DOP1B: variants seen among roughly 807,000 people sequenced by gnomAD.
DOP1B encodes DOP1 leucine zipper like protein B.
DOP1B carries 174 observed loss-of-function variants against 233.5 expected under a neutral mutation model. That is an observed-to-expected ratio of 0.75 (90% CI 0.66 to 0.85). The LOEUF (loss-of-function observed/expected upper bound fraction) is 0.85. DOP1B is among the 40% of genes least tolerant of loss of function. The pLI is 0.00. For missense variants in DOP1B, 2,652 were observed against 2,846.6 expected, an observed-to-expected ratio of 0.93 and a Z score of 1.56; for synonymous variants, 1,190 against 1,185.6, an observed-to-expected ratio of 1.00 and a Z score of -0.08.
At chr21:36,269,316 C>T (rs2067261580) in intron 26 of DOP1B, among the ~76,000 whole-genome samples, 1 of 151,756 alleles carries the variant, frequency 6.6e-6, no homozygotes. Context: ...CCACCACACC[C>T]ACCTAATTTT....
chr21:36,211,315 T>A (rs916071396), intron 5 of DOP1B, among the ~76,000 whole-genome samples: 2 of 152,208 alleles, frequency 1.3e-5, no homozygotes, highest in Admixed American at 6.5e-5. Context: ...CCCGGCCATC[T>A]GGTCCAAACC....
chr21:36,258,007 G>A (rs1286159424), intron 23 of DOP1B, among the ~76,000 whole-genome samples: 3 of 144,830 alleles, frequency 2.1e-5, no homozygotes, highest in Non-Finnish European at 4.5e-5. Flanking sequence ...AGGTAGGTAG[G>A]TAGATAGGTA....
chr21:36,188,924 C>CT (rs1010366417), intron 2 of DOP1B, among the ~76,000 whole-genome samples: 13 of 152,232 alleles, frequency 8.5e-5, no homozygotes, highest in African/African-American at 3.1e-4. Flanking sequence ...TAAATTACTC[C>CT]TTTTTTAAAG....
chr21:36,206,370 A>C (rs2066425283), intron 4 of DOP1B, among the ~76,000 whole-genome samples: 1 of 152,040 alleles, frequency 6.6e-6, no homozygotes, highest in Non-Finnish European at 1.5e-5. Flanking sequence ...GTCTACATAT[A>C]AAATGCAAAA....
intron 2 of DOP1B, among the ~76,000 whole-genome samples, chr21:36,194,036 A>T (rs537524910): frequency 1.6e-4 from 25 of 152,308 alleles, no homozygotes; most frequent in African/African-American, 5.3e-4. Context: ...CCAGAAAGGT[A>T]ATTTGCCCGA....
rs145622668 is a variant in DOP1B, at chr21:36,162,249, C to T, written c.-26-2459C>T. Reference sequence around the variant, plus strand: ...TCATTCTGTTGCCCAGACTGGAGTGCAGTGGCATGATCATGGCTCACTGCA... The same window carrying T: ...TCATTCTGTTGCCCAGACTGGAGTGTAGTGGCATGATCATGGCTCACTGCA... On this transcript the variant is annotated intron_variant, in intron 1 of 36. Transcript: ENST00000691173. Among the ~76,000 whole-genome samples the T allele has an allele frequency of 3.4e-3, 525 of 152,288 alleles. 3 individuals are homozygous for T. Among genetic ancestry groups the T allele is most frequent in the African/African-American group, 0.012 (512 of 41,566 alleles).
chr21:36,282,084 T>C (rs1363937384), intron 32 of DOP1B, among the ~76,000 whole-genome samples: 1 of 152,182 alleles, frequency 6.6e-6, no homozygotes, highest in African/African-American at 2.4e-5. Flanking sequence ...TGCAGAGTTA[T>C]AGAACTTCAG....
Position 36,260,707 on chromosome 21 carries a change from C to A in DOP1B, c.5290C>A (p.Gln1764Lys). Reference sequence around the variant, plus strand: ...GCCCCTAGTGGACATTCCTGTGTTGCAGTTTTGCTATGCTTTTCTCCAAAG... The same window carrying A: ...GCCCCTAGTGGACATTCCTGTGTTGAAGTTTTGCTATGCTTTTCTCCAAAG... The part of the protein sequence containing the change: ...KSPLVDIPVL[Q>K]FCYAFLQRLP... Residue 1764 changes from glutamine to lysine, a missense_variant, in exon 24 of 37, where the codon CAG becomes AAG. By Grantham distance (53) the Gln-to-Lys change is moderately conservative. This residue lies in a region of DOP1B where 2,617 missense variants were observed against 2,794.3 expected (regional missense o/e 0.94). Transcript: ENST00000691173. 6.2e-7 allele frequency: 1 copy of A among 1,614,080 alleles called. No homozygotes were observed. The highest frequency in any genetic ancestry group is 8.5e-7 in the Non-Finnish European group (1 of 1,180,002).
At position 36,177,297 on chromosome 21, in the gene DOP1B, TCA is replaced by T. The variant is rs547865263; in HGVS notation, c.138+12430_138+12431del. ...TCACAGCAGCCTCAGTGAGGGCCAC[TCA>T]CACTGTAAGATCGAGATGGTCTTTT... On this transcript the variant is annotated intron_variant, in intron 2 of 36. Transcript: ENST00000691173. 1.1e-4 allele frequency among the ~76,000 whole-genome samples: 17 copies of T among 152,354 alleles called. No individual in the cohort carries two copies. In the South Asian group the frequency reaches 3.5e-3, roughly 32 times the overall value.
At chr21:36,220,903 TG>T (rs1405802912) in intron 10 of DOP1B, among the ~76,000 whole-genome samples, 1 of 152,100 alleles carries the variant, frequency 6.6e-6, no homozygotes, top group East Asian at 1.9e-4. Flanking sequence ...CTTGAACTCC[TG>T]GGATCAAGTG....
Position 36,270,054 on chromosome 21 carries a change from C to T in DOP1B, c.5529C>T (p.Ala1843=), listed in dbSNP as rs756561079. The T allele has an allele frequency of 5.3e-5, 86 of 1,613,922 alleles. 1 individual carries two copies. In the East Asian group the frequency reaches 1.7e-3, roughly 32 times the overall value. ...TCCTAGAAGCTGTGGGGAACATTGC[C>T]GGCTCTTCCTTGGAGCAAACCAGCT... ...QKILEAVGNI[A]GSSLEQTSWL... is the part of the protein sequence containing the mutation. Residue 1843 remains alanine, a synonymous_variant, in exon 27 of 37, where the codon GCC becomes GCT. Coordinates refer to ENST00000691173, the MANE Select transcript of DOP1B (RefSeq NM_001320714.2).
chr21:36,234,250 C>T (rs948176222), intron 15 of DOP1B, among the ~76,000 whole-genome samples: 8 of 152,042 alleles, frequency 5.3e-5, no homozygotes, highest in Middle Eastern at 3.2e-3. Context: ...GGACTGGAAC[C>T]GCTATAAGCA....
At chr21:36,184,984 A>G (rs1258741877) in intron 2 of DOP1B, among the ~76,000 whole-genome samples, 1 of 152,206 alleles carries the variant, frequency 6.6e-6, no homozygotes, top group South Asian at 2.1e-4. Context: ...GAGTTCTACC[A>G]GTAGAACTTT....
At position 36,232,700 on chromosome 21, in the gene DOP1B, C is replaced by G. The variant is rs2066781093; in HGVS notation, c.2351-104C>G. On this transcript the variant is annotated intron_variant, in intron 14 of 36. Coordinates refer to ENST00000691173, the MANE Select transcript of DOP1B (RefSeq NM_001320714.2). ...AGCGCACTGCTGTCCAGGTGGATTTCTCAGGTAACTTCCCAGATCTAGGGT... is the reference window on the plus strand; with the variant it reads ...AGCGCACTGCTGTCCAGGTGGATTTGTCAGGTAACTTCCCAGATCTAGGGT... 6.0e-6 allele frequency: 9 copies of G among 1,507,264 alleles called. No individual in the cohort carries two copies. The South Asian group carries it at 1.1e-4, about 19-fold the overall frequency. The allele number at this position is 1,507,264 out of a possible 1,614,324, so 93.4% of individuals were successfully genotyped here. A position where few individuals can be genotyped will look rare whatever the true frequency, so the allele number is the denominator to read the frequency against.
In DOP1B at chr21:36,288,814, A is replaced by G. The variant is rs1342475907; in HGVS notation, c.6353+3A>G. ...AAAGATGAAGATGAGTCATTGAGGT[A>G]AGCAGTACAAGATCTGTACACAAGA... On this transcript the variant is annotated splice_donor_region_variant and intron_variant, in intron 34 of 36. Transcript: ENST00000691173. The G allele has an allele frequency of 6.2e-7, 1 of 1,610,524 alleles. No individual in the cohort carries two copies. The highest frequency in any genetic ancestry group is 2.2e-5 in the East Asian group (1 of 44,834).
chr21:36,251,234 G>A lies in DOP1B; in HGVS notation c.5071G>A (p.Val1691Ile). Reference protein sequence around the residue: ...AHLGVQLTAAVAAVWSRKKAQ... With the variant: ...AHLGVQLTAAIAAVWSRKKAQ... ...TCTTGGGGTTCAGTTGACAGCGGCTGTTGCGGCAGTGTGGAGCAGAAAGAA... is the reference window on the plus strand; with the variant it reads ...TCTTGGGGTTCAGTTGACAGCGGCTATTGCGGCAGTGTGGAGCAGAAAGAA... Residue 1691 changes from valine (V) to isoleucine (I), a missense_variant, in exon 22 of 37, where the codon GTT (valine) becomes ATT (isoleucine). Coordinates refer to ENST00000691173, the MANE Select transcript of DOP1B (RefSeq NM_001320714.2). The A allele has an allele frequency of 6.2e-7, 1 of 1,614,034 alleles. No homozygotes were observed. Among genetic ancestry groups the A allele is most frequent in the Non-Finnish European group, 8.5e-7 (1 of 1,179,996 alleles).
chr21:36,288,203 T>C, intron 33 of DOP1B, 53 bp downstream of exon 33: 1 of 1,540,640 alleles, frequency 6.5e-7, no homozygotes, highest in East Asian at 2.3e-5. Flanking sequence ...TTTAAAATGC[T>C]TTTTCAGTAA....
chr21:36,260,826 A>G lies in DOP1B; in HGVS notation c.5315+94A>G, dbSNP rs567402981. 168 of 1,574,348 alleles carry G rather than the reference A, an allele frequency of 1.1e-4. No individual in the cohort carries two copies. The East Asian group carries it at 3.3e-3, about 31-fold the overall frequency. The stretch of plus-strand genomic sequence containing the variant: ...AAATATCTGGTTTTATTTCTAGACT[A>G]CTAGAGAGCCATTGTTCAGAAAATA... On this transcript the variant is annotated intron_variant, in intron 24 of 36. Coordinates refer to ENST00000691173, the MANE Select transcript of DOP1B (RefSeq NM_001320714.2).
intron 13 of DOP1B, among the ~76,000 whole-genome samples, chr21:36,228,092 A>G (rs9981029): frequency 0.66 from 99,760 of 151,934 alleles, 33,462 homozygotes; most frequent in East Asian, 0.95. Context: ...ACTTTCGGAG[A>G]CTGGGGCAGG....
Sources: gnomAD v4.1 joint callset for allele counts (sites outside exome capture counted in the v4.1 genomes callset) on GRCh38, gnomAD v4.1.1 for gene constraint, gnomAD v4.1.1 regional missense constraint, MANE v1.5 for transcripts, NCBI Gene and HGNC (gene_info 2026-07-23, HGNC 2026-07-21) for gene names.